The following ASTN2 variants were observed in gnomAD, a reference collection of about 807,000 sequenced individuals.
ASTN2 encodes astrotactin 2.
ASTN2 carries 54 observed loss-of-function variants against 139.8 expected under a neutral mutation model. The ratio of observed to expected loss-of-function variants is 0.39; its 90% CI spans 0.31 to 0.48. The LOEUF is 0.48. Ranked by LOEUF, ASTN2 falls within the 20% of genes least tolerant of loss-of-function variation. The pLI is 0.95. For missense variants in ASTN2, 1,565 were observed against 1,725.1 expected (o/e 0.91, Z 1.64); for synonymous variants, 756 against 719.5 (o/e 1.05, Z -0.81).
chr9:116,946,686 G>C (rs1474022250), intron 10 of ASTN2, among the ~76,000 whole-genome samples: 1 of 152,006 alleles, frequency 6.6e-6, no homozygotes, highest in African/African-American at 2.4e-5. Flanking sequence ...TTTTCGTTAA[G>C]GTCAGGAATT....
At chr9:116,974,476 A>G (rs188916076) in intron 10 of ASTN2, among the ~76,000 whole-genome samples, 26 of 151,228 alleles carry the variant, frequency 1.7e-4, no homozygotes, top group Admixed American at 3.3e-4. Flanking sequence ...CCGTGGTTTT[A>G]TAAGTTAAGA....
intron 22 of ASTN2, among the ~76,000 whole-genome samples, chr9:116,436,406 A>C (rs1459602010): frequency 6.6e-6 from 1 of 152,204 alleles, no homozygotes; most frequent in East Asian, 1.9e-4. Context: ...ACAAATCTTT[A>C]GTCATCTGGT....
At chr9:116,927,033 C>T (rs1398528095) in intron 10 of ASTN2, among the ~76,000 whole-genome samples, 1 of 152,166 alleles carries the variant, frequency 6.6e-6, no homozygotes, top group African/African-American at 2.4e-5. Context: ...AACTAATTAG[C>T]TGGAATATAG....
At chr9:117,166,646 C>A (rs553215801) in intron 3 of ASTN2, among the ~76,000 whole-genome samples, 1 of 152,246 alleles carries the variant, frequency 6.6e-6, no homozygotes, top group Admixed American at 6.5e-5. Flanking sequence ...CTAAGAGCTA[C>A]ACATCCTTCA....
intron 7 of ASTN2, among the ~76,000 whole-genome samples, chr9:116,994,628 A>C (rs1019402844): frequency 8.5e-5 from 13 of 152,190 alleles, no homozygotes; most frequent in Admixed American, 2.0e-4. Flanking sequence ...GAGGAGCTAA[A>C]TTTAACATTT....
intron 6 of ASTN2, among the ~76,000 whole-genome samples, chr9:117,025,178 T>C (rs1271582475): frequency 6.6e-6 from 1 of 151,904 alleles, no homozygotes; most frequent in Non-Finnish European, 1.5e-5. Context: ...CAAAACAGAG[T>C]CTGGGCCTTC....
At chr9:117,121,680 A>G (rs117034469) in intron 4 of ASTN2, among the ~76,000 whole-genome samples, 432 of 152,336 alleles carry the variant, frequency 2.8e-3, no homozygotes, top group Middle Eastern at 0.014. Flanking sequence ...TCTGCTATAA[A>G]GAAATATCTG....
At chr9:116,909,842 A>G (rs1342201955) in intron 10 of ASTN2, among the ~76,000 whole-genome samples, 1 of 152,234 alleles carries the variant, frequency 6.6e-6, no homozygotes, top group Non-Finnish European at 1.5e-5. Flanking sequence ...AGCATTCAGC[A>G]AATGGAAACT....
At position 116,697,543 on chromosome 9, in the gene ASTN2, A is replaced by G. The variant is rs552899331; in HGVS notation, c.2806+28228T>C. 18 of 672,416 alleles carry G rather than the reference A, an allele frequency of 2.7e-5. No homozygotes were observed. In the Admixed American group the frequency reaches 3.9e-4, roughly 14 times the overall value. The allele number at this position is 672,416 out of a possible 1,614,324, so 41.7% of individuals were successfully genotyped here. On this transcript the variant is annotated intron_variant, in intron 16 of 22. Transcript: ENST00000313400. ...GTGACATATAATAGACCTCAATAAA[A>G]TAGTTGTTAAGTAAGGGAATGACTG...
At chr9:116,870,988 G>C (rs1275532740) in intron 10 of ASTN2, among the ~76,000 whole-genome samples, 1 of 152,182 alleles carries the variant, frequency 6.6e-6, no homozygotes, top group Non-Finnish European at 1.5e-5. Context: ...GGCAGGCACG[G>C]TGCCTCACGC....
At chr9:117,093,013 C>G (rs1164358130) in intron 5 of ASTN2, among the ~76,000 whole-genome samples, 1 of 152,090 alleles carries the variant, frequency 6.6e-6, no homozygotes, top group Non-Finnish European at 1.5e-5. Flanking sequence ...AAACAGGGTG[C>G]AAAGGAACCT....
intron 13 of ASTN2, among the ~76,000 whole-genome samples, chr9:116,780,603 A>AG (rs1830192596): frequency 6.6e-6 from 1 of 152,168 alleles, no homozygotes; most frequent in Non-Finnish European, 1.5e-5. Flanking sequence ...CTGTAACTGA[A>AG]GGGGGCTTAG....
chr9:116,512,042 C>T (rs1808931153), intron 19 of ASTN2, among the ~76,000 whole-genome samples: 1 of 152,150 alleles, frequency 6.6e-6, no homozygotes. Context: ...TTGCCTTCTG[C>T]TAGCTTTTGA....
intron 2 of ASTN2, among the ~76,000 whole-genome samples, chr9:117,239,602 C>A (rs1833148327): frequency 6.6e-6 from 1 of 152,146 alleles, no homozygotes; most frequent in Admixed American, 6.5e-5. Flanking sequence ...CCATCCCATC[C>A]CCATTCATTA....
chr9:116,856,700 T>C (rs1564307939), intron 11 of ASTN2, among the ~76,000 whole-genome samples: 1 of 152,238 alleles, frequency 6.6e-6, no homozygotes, highest in African/African-American at 2.4e-5. Flanking sequence ...TCAGCACCTG[T>C]GCAATCAGGG....
intron 1 of ASTN2, among the ~76,000 whole-genome samples, chr9:117,378,218 G>A (rs1830175617): frequency 6.6e-6 from 1 of 152,194 alleles, no homozygotes; most frequent in African/African-American, 2.4e-5. Flanking sequence ...GACAGAAGAA[G>A]AGACCTGTCT....
chr9:116,803,767 G>A (rs989689814), intron 13 of ASTN2, among the ~76,000 whole-genome samples: 3 of 150,236 alleles, frequency 2.0e-5, no homozygotes, highest in Admixed American at 6.7e-5. Flanking sequence ...CTCATGATCC[G>A]CCTGCCTCAG....
At chr9:117,266,262 C>T (rs1236248590) in intron 2 of ASTN2, among the ~76,000 whole-genome samples, 1 of 152,098 alleles carries the variant, frequency 6.6e-6, no homozygotes, top group Non-Finnish European at 1.5e-5. Flanking sequence ...CCATGGGATC[C>T]AGTAATAAGC....
At chr9:117,222,474 C>T (rs375355000) in intron 2 of ASTN2, among the ~76,000 whole-genome samples, 133 of 152,266 alleles carry the variant, frequency 8.7e-4, no homozygotes, top group Middle Eastern at 3.4e-3. Context: ...TTCCCACTAG[C>T]TCTGTCATTA....
Sources: gnomAD v4.1 joint callset for allele counts (sites outside exome capture counted in the v4.1 genomes callset) on GRCh38, gnomAD v4.1.1 for gene constraint, MANE v1.5 for transcripts, NCBI Gene and HGNC (gene_info 2026-07-23, HGNC 2026-07-21) for gene names.